Variants in TMEM132B observed in about 807,000 individuals in gnomAD.
TMEM132B encodes the protein transmembrane protein 132B.
TMEM132B carries 18 observed loss-of-function variants against 90.8 expected under a neutral mutation model. The ratio of observed to expected loss-of-function variants is 0.20; its 90% CI spans 0.14 to 0.29. The LOEUF is 0.29. Among genes scored for constraint, TMEM132B ranks in the 10% least tolerant of loss-of-function variants. The pLI, the probability that TMEM132B is intolerant of heterozygous loss-of-function variation, is 1.00. For missense variants in TMEM132B, 1,096 were observed against 1,326.8 expected (o/e 0.83, Z 2.70); for synonymous variants, 504 against 523.3 (o/e 0.96, Z 0.50).
intron 1 of TMEM132B, among the ~76,000 whole-genome samples, chr12:125,271,174 G>A (rs11058111): frequency 0.16 from 24,196 of 151,892 alleles, 2,459 homozygotes; most frequent in African/African-American, 0.29. Context: ...TCACTATGTC[G>A]CCTACGCTGG....
chr12:125,649,069 A>T (rs190667570), intron 6 of TMEM132B, among the ~76,000 whole-genome samples: 4 of 152,198 alleles, frequency 2.6e-5, no homozygotes, highest in African/African-American at 4.8e-5. Context: ...ATTGAATGCT[A>T]TGTTTCTTTG....
chr12:125,188,808 G>A (rs1357516921), intron 1 of TMEM132B, among the ~76,000 whole-genome samples: 2 of 126,820 alleles, frequency 1.6e-5, no homozygotes, highest in Non-Finnish European at 3.1e-5. Flanking sequence ...ATAAAGAGAC[G>A]ACAGTTTGAT....
At chr12:125,485,301 G>C (rs946436131) in intron 3 of TMEM132B, among the ~76,000 whole-genome samples, 3 of 152,152 alleles carry the variant, frequency 2.0e-5, no homozygotes, top group Non-Finnish European at 2.9e-5. Flanking sequence ...GGTGAAATGA[G>C]TCCCATTTGC....
At chr12:125,388,145 C>T (rs777663165) in intron 2 of TMEM132B, among the ~76,000 whole-genome samples, 21 of 152,014 alleles carry the variant, frequency 1.4e-4, no homozygotes, top group Non-Finnish European at 2.2e-4. Context: ...AACCTATTGT[C>T]GCCCGGGTGC....
intron 1 of TMEM132B, among the ~76,000 whole-genome samples, chr12:125,206,527 T>A (rs1873189738): frequency 6.6e-6 from 1 of 152,148 alleles, no homozygotes; most frequent in Admixed American, 6.5e-5. Context: ...AGTGAACTAC[T>A]GCCCCTGGTC....
chr12:125,409,724 GT>G (rs1347037734), intron 2 of TMEM132B, among the ~76,000 whole-genome samples: 3 of 33,408 alleles, frequency 9.0e-5, no homozygotes, highest in East Asian at 1.1e-3. Context: ...GTGGAGTGGA[GT>G]GAGTGGAGTG....
At chr12:125,500,181 C>T (rs2136594917) in intron 3 of TMEM132B, among the ~76,000 whole-genome samples, 1 of 152,328 alleles carries the variant, frequency 6.6e-6, no homozygotes, top group South Asian at 2.1e-4. Flanking sequence ...AGGCTGCTGG[C>T]CAGATCCTGC....
chr12:125,361,598 C>G (rs542315731), intron 2 of TMEM132B, among the ~76,000 whole-genome samples: 1 of 152,162 alleles, frequency 6.6e-6, no homozygotes, highest in Non-Finnish European at 1.5e-5. Flanking sequence ...CAGATCAAGT[C>G]GAGAGCTAAG....
intron 3 of TMEM132B, among the ~76,000 whole-genome samples, chr12:125,444,862 T>C (rs1880961224): frequency 6.6e-6 from 1 of 151,846 alleles, no homozygotes; most frequent in Non-Finnish European, 1.5e-5. Flanking sequence ...ACTGACCTTC[T>C]CCAGAAGAAA....
intron 6 of TMEM132B, 120 bp from the exon 7 acceptor site, chr12:125,650,563 C>A: frequency 1.7e-6 from 2 of 1,187,316 alleles, no homozygotes; most frequent in Non-Finnish European, 1.2e-6. Flanking sequence ...CTGAGCAGGT[C>A]CTGCAGGAGA....
At chr12:125,346,280 T>C (rs1482773155) in intron 1 of TMEM132B, among the ~76,000 whole-genome samples, 2 of 152,244 alleles carry the variant, frequency 1.3e-5, no homozygotes, top group African/African-American at 4.8e-5. Flanking sequence ...TAAACCAATC[T>C]ACAGTGAAAA....
chr12:125,402,373 A>G (rs762387573), intron 2 of TMEM132B, among the ~76,000 whole-genome samples: 29 of 152,288 alleles, frequency 1.9e-4, no homozygotes, highest in Middle Eastern at 3.4e-3. Flanking sequence ...TATTTTTAGT[A>G]GAGACAGGGG....
At chr12:125,529,338 C>G (rs1883584866) in intron 4 of TMEM132B, among the ~76,000 whole-genome samples, 1 of 152,186 alleles carries the variant, frequency 6.6e-6, no homozygotes. Context: ...CTCAAGCAAT[C>G]CTTCCACTTT....
rs147059420 is a variant in TMEM132B, at chr12:125,459,442, T to C, written c.1106+43765T>C. 2.6e-5 allele frequency among the ~76,000 whole-genome samples: 4 copies of C among 152,312 alleles called. No individual in the cohort carries two copies. Among genetic ancestry groups the C allele is most frequent in the African/African-American group, 9.6e-5 (4 of 41,586 alleles). On this transcript the variant is annotated intron_variant, in intron 3 of 8. Coordinates refer to ENST00000682704, the MANE Select transcript of TMEM132B (RefSeq NM_001366854.1). The surrounding 1 kb of genome is among the most constrained non-coding windows in gnomAD (Gnocchi z 4.1). Reference sequence around the variant, plus strand: ...ACAGAAAGACAAACATTGCTTGTTCTCACTTATTTGTGGGATGTAAAAATC... The same window carrying C: ...ACAGAAAGACAAACATTGCTTGTTCCCACTTATTTGTGGGATGTAAAAATC...
At chr12:125,577,181 T>C (rs958501167) in intron 4 of TMEM132B, among the ~76,000 whole-genome samples, 2 of 151,958 alleles carry the variant, frequency 1.3e-5, no homozygotes, top group African/African-American at 4.8e-5. Flanking sequence ...GTTATAGATA[T>C]TGAAATTCCA....
At chr12:125,261,642 A>G (rs559926151) in intron 1 of TMEM132B, among the ~76,000 whole-genome samples, 9 of 152,230 alleles carry the variant, frequency 5.9e-5, no homozygotes, top group Non-Finnish European at 1.2e-4. Context: ...GTGATTAACC[A>G]ACGGATTTTA....
chr12:125,504,311 T>C (rs1475400896), intron 3 of TMEM132B, among the ~76,000 whole-genome samples: 1 of 152,160 alleles, frequency 6.6e-6, no homozygotes, highest in Non-Finnish European at 1.5e-5. Flanking sequence ...GTTAATGAGG[T>C]TGAAGATTCT....
At chr12:125,428,401 T>G (rs1880395358) in intron 3 of TMEM132B, among the ~76,000 whole-genome samples, 1 of 152,246 alleles carries the variant, frequency 6.6e-6, no homozygotes, top group African/African-American at 2.4e-5. Context: ...ATTTATCAAT[T>G]TATTCATTCA....
intron 1 of TMEM132B, among the ~76,000 whole-genome samples, chr12:125,343,362 G>T (rs954782726): frequency 3.3e-5 from 5 of 152,166 alleles, no homozygotes; most frequent in Non-Finnish European, 7.3e-5. Flanking sequence ...AGGTACCTGG[G>T]ATGGGAGATA....
Sources: allele counts gnomAD v4.1 joint callset (sites outside exome capture counted in the v4.1 genomes callset), GRCh38; gene constraint gnomAD v4.1.1; non-coding constraint Gnocchi (gnomAD v3.1); transcripts MANE v1.5; gene names NCBI Gene and HGNC (gene_info 2026-07-23, HGNC 2026-07-21).